The following MCUR1 variants were observed in gnomAD, a reference collection of about 807,000 sequenced individuals.
The protein encoded by MCUR1 is MCU regulator 1.
In MCUR1, 37 loss-of-function variants were observed where a neutral mutation model predicts 42.0. The observed-to-expected ratio is 0.88, with a 90% confidence interval of 0.68 to 1.16. The LOEUF (loss-of-function observed/expected upper bound fraction) is 1.16. MCUR1 is among the 50% of genes most tolerant of loss of function. The probability of loss-of-function intolerance (pLI) is 0.00; values close to 1 mark genes in which losing one functional copy is unlikely to be tolerated. For synonymous variants in MCUR1, 229 were observed against 196.2 expected (o/e 1.17, Z -1.40); for missense variants, 469 against 468.4 (o/e 1.00, Z -0.01).
intron 6 of MCUR1, among the ~76,000 whole-genome samples, chr6:13,797,992 C>T (rs1010354713): frequency 6.6e-6 from 1 of 151,808 alleles, no homozygotes; most frequent in African/African-American, 2.4e-5. Context: ...CACTGCACTC[C>T]GGCCTCGGCA....
intron 1 of MCUR1, among the ~76,000 whole-genome samples, chr6:13,808,348 G>A (rs1760156196): frequency 6.6e-6 from 1 of 152,160 alleles, no homozygotes. Flanking sequence ...TAATAGGGTT[G>A]TCTTTCTATT....
intron 1 of MCUR1, among the ~76,000 whole-genome samples, chr6:13,812,068 G>T (rs1561737756): frequency 6.6e-6 from 1 of 152,134 alleles, no homozygotes; most frequent in Non-Finnish European, 1.5e-5. Flanking sequence ...ACTCCTCACT[G>T]ATCATAAGGA....
Position 13,788,782 on chromosome 6 carries a change from TTATAA to T in MCUR1, c.*2022_*2026del, listed in dbSNP as rs910895924. The T allele has an allele frequency of 6.6e-6, 1 of 152,224 alleles. No homozygotes were observed. Among genetic ancestry groups the T allele is most frequent in the African/African-American group, 2.4e-5 (1 of 41,452 alleles). The allele number at this position is 152,224 out of a possible 1,614,324, so 9.4% of individuals were successfully genotyped here. On this transcript the variant is annotated 3_prime_UTR_variant, in exon 9 of 9. Transcript: ENST00000379170. ...TTTGATCTACTTGAAAAAGATTAAA[TTATAA>T]TATTTCACTTTGAAACTGCTATTGC...
chr6:13,808,629 G>C (rs1244858169), intron 1 of MCUR1, among the ~76,000 whole-genome samples: 3 of 152,142 alleles, frequency 2.0e-5, no homozygotes, highest in African/African-American at 7.2e-5. Context: ...TGTCTTCTAA[G>C]AGTTTTATAG....
rs1209040220 is a variant in MCUR1, at chr6:13,814,278, G to A, written c.152C>T (p.Ala51Val). Reference sequence around the variant, plus strand: ...GGCCGCCGGGGCGCGAGGGCGCAGCGCCCCCAGACCGTCGGAGAGCGCAGA... The same window carrying A: ...GGCCGCCGGGGCGCGAGGGCGCAGCACCCCCAGACCGTCGGAGAGCGCAGA... ...CLSALSDGLG[A>V]LRPRAPAARG... Residue 51 changes from alanine to valine, a missense_variant, in exon 1 of 9, where the codon GCG (alanine) becomes GTG (valine). By Grantham distance (64) the Ala-to-Val change is moderately conservative. Transcript: ENST00000379170. The A allele has an allele frequency of 1.4e-6, 2 of 1,480,270 alleles. No individual in the cohort carries two copies. The highest frequency in any genetic ancestry group is 2.5e-5 in the South Asian group (2 of 78,834). The allele number at this position is 1,480,270 out of a possible 1,614,324, so 91.7% of individuals were successfully genotyped here.
In MCUR1 at chr6:13,802,265, T is replaced by C; in HGVS notation, c.617A>G (p.Asp206Gly). ...AACCTGCTGCATCTTGGTGACCATATCTTTGTAGACGATGTCCATGTTGGC... is the reference window on the plus strand; with the variant it reads ...AACCTGCTGCATCTTGGTGACCATACCTTTGTAGACGATGTCCATGTTGGC... ...LEANMDIVYK[D>G]MVTKMQQEIT... The change falls in exon 3 of 9, where the codon GAT (aspartate) becomes GGT (glycine). Residue 206 changes from aspartate (D) to glycine (G), a missense_variant. By Grantham distance (94) the Asp-to-Gly change is moderately conservative. Coordinates refer to ENST00000379170, the MANE Select transcript of MCUR1 (RefSeq NM_001031713.4). 1 of 1,613,874 alleles carries C rather than the reference T, an allele frequency of 6.2e-7. No individual in the cohort carries two copies.
At chr6:13,801,080 A>G (rs1759978067) in intron 4 of MCUR1, among the ~76,000 whole-genome samples, 1 of 152,228 alleles carries the variant, frequency 6.6e-6, no homozygotes, top group South Asian at 2.1e-4. Context: ...CAGCCAGGAC[A>G]GCGTTTCCTC....
intron 3 of MCUR1, among the ~76,000 whole-genome samples, chr6:13,801,786 G>A (rs921572523): frequency 1.4e-4 from 21 of 152,096 alleles, no homozygotes; most frequent in Non-Finnish European, 2.8e-4. Context: ...GGAGGTCAAC[G>A]AGGCTGCAGT....
chr6:13,806,828 G>A (rs1760120986), intron 2 of MCUR1, 97 bp downstream of exon 2: 1 of 1,321,570 alleles, frequency 7.6e-7, no homozygotes, highest in Admixed American at 2.5e-5. Context: ...AAAAATAGAA[G>A]TCAAAGAGGA....
rs1257728258 is a variant in MCUR1 at position 13,797,721 on chromosome 6, GA to G, written c.855+1111del. On this transcript the variant is annotated intron_variant, in intron 6 of 8. Transcript: ENST00000379170. ...AGACTCCGCCTCAAACAAAAACAAA[GA>G]AAAAAAAAACACACTTGCCGGCCAG... Among the ~76,000 whole-genome samples the G allele has an allele frequency of 7.2e-5, 9 of 125,612 alleles. 1 individual carries two copies. In the South Asian group the frequency reaches 1.1e-3, roughly 15 times the overall value. 82.4% of individuals were successfully genotyped at this position (125,612 alleles called of 152,430 possible). A position where few individuals can be genotyped will look rare whatever the true frequency, so the allele number is the denominator to read the frequency against.
intron 8 of MCUR1, 44 bp downstream of exon 8, chr6:13,791,829 AAATTT>A: frequency 7.7e-7 from 1 of 1,298,692 alleles, no homozygotes; most frequent in Non-Finnish European, 1.1e-6. Context: ...CTTATTTTAT[AAATTT>A]ATTTTCTTTT....
chr6:13,794,966 C>G (rs1759823048), intron 6 of MCUR1, among the ~76,000 whole-genome samples: 1 of 151,976 alleles, frequency 6.6e-6, no homozygotes, highest in African/African-American at 2.4e-5. Flanking sequence ...TAGTGGGCAA[C>G]AAGATTTAAT....
chr6:13,801,242 T>G, intron 4 of MCUR1, 46 bp downstream of exon 4: 1 of 1,237,232 alleles, frequency 8.1e-7, no homozygotes, highest in Non-Finnish European at 1.2e-6. Flanking sequence ...TTTATCTCAA[T>G]GTCTTAATAT....
In MCUR1 at chr6:13,802,259, A is replaced by G. The variant is rs1177710261; in HGVS notation, c.623T>C (p.Val208Ala). ...AAGGCTAACCTGCTGCATCTTGGTG[A>G]CCATATCTTTGTAGACGATGTCCAT... ...ANMDIVYKDM[V>A]TKMQQEITFQ... The change falls in exon 3 of 9, where the codon GTC becomes GCC. Residue 208 changes from valine (V) to alanine (A), a missense_variant. By Grantham distance (64) the Val-to-Ala change is moderately conservative. Transcript: ENST00000379170. The G allele has an allele frequency of 1.2e-6, 2 of 1,613,772 alleles. No homozygotes were observed. The highest frequency in any genetic ancestry group is 1.3e-5 in the African/African-American group (1 of 74,936).
chr6:13,791,993 C>A lies in MCUR1; in HGVS notation c.910-1G>T, dbSNP rs1292756331. 1 of 1,612,496 alleles carries A rather than the reference C, an allele frequency of 6.2e-7. No individual in the cohort carries two copies. Among genetic ancestry groups the A allele is most frequent in the Admixed American group, 1.7e-5 (1 of 59,994 alleles). ...TAAGGGCCCGATCTTGCTGGGCATGCTTTTAAAATGAAGAGAGTCACAGCG... is the reference window on the plus strand; with the variant it reads ...TAAGGGCCCGATCTTGCTGGGCATGATTTTAAAATGAAGAGAGTCACAGCG... On this transcript the variant is annotated splice_acceptor_variant, in intron 7 of 8. Transcript: ENST00000379170. LOFTEE classifies it high-confidence loss of function.
At position 13,791,816 on chromosome 6, in the gene MCUR1, C is replaced by T. The variant is rs183128412; in HGVS notation, c.1024+62G>A. The T allele has an allele frequency of 3.1e-4, 358 of 1,144,416 alleles. No homozygotes were observed. In the African/African-American group the frequency reaches 4.7e-3, roughly 15 times the overall value. The allele number at this position is 1,144,416 out of a possible 1,614,324, so 70.9% of individuals were successfully genotyped here. ...ATCAATGAAATGCAGTATCTGTCAA[C>T]GACTTATTTTATAAATTTATTTTCT... On this transcript the variant is annotated intron_variant, in intron 8 of 8. Coordinates refer to ENST00000379170, the MANE Select transcript of MCUR1 (RefSeq NM_001031713.4).
chr6:13,794,214 A>G (rs1395805790), intron 6 of MCUR1, among the ~76,000 whole-genome samples: 1 of 151,726 alleles, frequency 6.6e-6, no homozygotes, highest in Non-Finnish European at 1.5e-5. Context: ...CGGCCTCCCA[A>G]GGTGCTGGGA....
chr6:13,798,379 C>A (rs950060043), intron 6 of MCUR1, among the ~76,000 whole-genome samples: 1 of 152,102 alleles, frequency 6.6e-6, no homozygotes. Context: ...GGATTACAGG[C>A]GTGAGCTACC....
intron 1 of MCUR1, among the ~76,000 whole-genome samples, chr6:13,810,590 C>T (rs1231073663): frequency 1.1e-4 from 17 of 152,250 alleles, no homozygotes; most frequent in Non-Finnish European, 2.9e-5. Flanking sequence ...CAGTCCTTCA[C>T]CCCGATTACC....
Sources: gnomAD v4.1 joint callset for allele counts (sites outside exome capture counted in the v4.1 genomes callset) on GRCh38, gnomAD v4.1.1 for gene constraint, MANE v1.5 for transcripts, NCBI Gene and HGNC (gene_info 2026-07-23, HGNC 2026-07-21) for gene names.